The following TRPC5 variants were observed in gnomAD, a reference collection of about 807,000 sequenced individuals.
TRPC5 encodes the protein transient receptor potential cation channel subfamily C member 5.
TRPC5 carries 9 observed loss-of-function variants against 56.5 expected under a neutral mutation model. The observed-to-expected ratio is 0.16, with a 90% CI of 0.10 to 0.28. TRPC5 has a LOEUF of 0.28. Ranked by LOEUF, TRPC5 falls within the 10% of genes least tolerant of loss-of-function variation. TRPC5 has a pLI of 1.00. For missense variants in TRPC5, 469 were observed against 748.9 expected (o/e 0.63, Z 4.36); for synonymous variants, 282 against 278.5 (o/e 1.01, Z -0.13).
chrX:111,865,591 G>A (rs1454705836), intron 3 of TRPC5, among the ~76,000 whole-genome samples: 2 of 111,281 alleles, frequency 1.8e-5, no homozygotes, highest in Non-Finnish European at 3.8e-5. Flanking sequence ...CTCCCAAAGT[G>A]CTGGGATTAC....
chrX:111,929,361 A>G (rs1262598001), intron 2 of TRPC5, among the ~76,000 whole-genome samples: 5 of 112,467 alleles, frequency 4.4e-5, no homozygotes, highest in Non-Finnish European at 9.4e-5. Context: ...TACCGTGCCA[A>G]GGTTGTGTTC....
chrX:112,066,733 A>C, intron 1 of TRPC5, among the ~76,000 whole-genome samples: 1 of 112,582 alleles, frequency 8.9e-6, no homozygotes, highest in Non-Finnish European at 1.9e-5. Context: ...TTTGTAAAGC[A>C]CTTAGTGTCT....
chrX:111,968,812 C>G (rs189398641), intron 1 of TRPC5, among the ~76,000 whole-genome samples: 1,239 of 71,799 alleles, frequency 0.017, 32 homozygotes, highest in African/African-American at 0.069. Flanking sequence ...ACATCACACT[C>G]TGGGGACTGT....
intron 7 of TRPC5, among the ~76,000 whole-genome samples, chrX:111,812,837 G>A (rs2148566208): frequency 8.9e-6 from 1 of 112,111 alleles, no homozygotes; most frequent in East Asian, 2.8e-4. Context: ...TGAATAATAT[G>A]GATGACAAAA....
intron 1 of TRPC5, among the ~76,000 whole-genome samples, chrX:111,958,298 TA>T (rs1927287734): frequency 8.9e-6 from 1 of 112,062 alleles, no homozygotes; most frequent in African/African-American, 3.2e-5. Flanking sequence ...CATTTCCATC[TA>T]CATTTTTTTC....
In TRPC5 at chrX:112,027,304, G is replaced by A. The variant is rs779725860; in HGVS notation, c.-22+54575C>T. Among the ~76,000 whole-genome samples the A allele has an allele frequency of 2.4e-3, 269 of 111,814 alleles. 1 individual carries two copies. The highest frequency in any genetic ancestry group is 3.9e-3 in the Non-Finnish European group (208 of 53,181). Reference sequence around the variant, plus strand: ...ATGTTGTGTGTGTATGCGCATGTGTGTGCATGATTGGGAAGTTCTGTAAGT... The same window carrying A: ...ATGTTGTGTGTGTATGCGCATGTGTATGCATGATTGGGAAGTTCTGTAAGT... On this transcript the variant is annotated intron_variant, in intron 1 of 10. Coordinates refer to ENST00000262839, the MANE Select transcript of TRPC5 (RefSeq NM_012471.3).
At chrX:111,824,056 C>T (rs1037121852) in intron 7 of TRPC5, among the ~76,000 whole-genome samples, 2 of 109,825 alleles carry the variant, frequency 1.8e-5, no homozygotes, top group Admixed American at 9.7e-5. Flanking sequence ...CATGATGAAA[C>T]GCCATCTCTA....
chrX:112,062,680 C>T (rs888549144), intron 1 of TRPC5, among the ~76,000 whole-genome samples: 4 of 111,905 alleles, frequency 3.6e-5, no homozygotes, highest in Non-Finnish European at 7.5e-5. Flanking sequence ...TTTTCTAGAG[C>T]AGAGGATTTA....
At chrX:111,968,216 A>G (rs1354981732) in intron 1 of TRPC5, among the ~76,000 whole-genome samples, 1 of 111,904 alleles carries the variant, frequency 8.9e-6, no homozygotes, top group East Asian at 2.8e-4. Flanking sequence ...CAAAAAACAC[A>G]TGAAAAAATG....
chrX:111,822,879 T>C (rs1026990118), intron 7 of TRPC5, among the ~76,000 whole-genome samples: 5 of 111,399 alleles, frequency 4.5e-5, no homozygotes, highest in Admixed American at 3.8e-4. Context: ...CCCAAGATAG[T>C]CTTCATGACA....
At chrX:111,811,408 CGCTT>C (rs1179029589) in intron 7 of TRPC5, among the ~76,000 whole-genome samples, 1 of 112,784 alleles carries the variant, frequency 8.9e-6, no homozygotes, top group African/African-American at 3.2e-5. Context: ...TACGTGCACA[CGCTT>C]GCGCGTGCAC....
At chrX:112,012,667 T>C (rs1158318497) in intron 1 of TRPC5, among the ~76,000 whole-genome samples, 3 of 111,906 alleles carry the variant, frequency 2.7e-5, no homozygotes, top group Non-Finnish European at 5.6e-5. Flanking sequence ...TTCACACAGT[T>C]ACTGTGGAGC....
At chrX:111,843,816 T>C (rs185494280) in intron 6 of TRPC5, among the ~76,000 whole-genome samples, 1 of 107,707 alleles carries the variant, frequency 9.3e-6, no homozygotes, top group East Asian at 2.9e-4. Context: ...CAGTCAAGAG[T>C]CTGTTGCCAC....
At chrX:111,797,341 C>T (rs1921132633) in intron 7 of TRPC5, among the ~76,000 whole-genome samples, 1 of 111,767 alleles carries the variant, frequency 8.9e-6, no homozygotes, top group African/African-American at 3.2e-5. Flanking sequence ...ACTGCACATC[C>T]CCAAATGACT....
chrX:112,063,080 G>C (rs1169579964), intron 1 of TRPC5, among the ~76,000 whole-genome samples: 1 of 111,878 alleles, frequency 8.9e-6, no homozygotes, highest in Non-Finnish European at 1.9e-5. Context: ...AATAGTGGTG[G>C]CATTACCACA....
At chrX:111,975,161 G>A (rs936176046) in intron 1 of TRPC5, among the ~76,000 whole-genome samples, 1 of 111,048 alleles carries the variant, frequency 9.0e-6, no homozygotes, top group African/African-American at 3.3e-5. Flanking sequence ...AGGGAATTGA[G>A]GGTTGCTCCA....
chrX:112,010,831 G>A (rs1432060030), intron 1 of TRPC5, among the ~76,000 whole-genome samples: 1 of 111,642 alleles, frequency 9.0e-6, no homozygotes, highest in East Asian at 2.8e-4. Context: ...GTTGATATGT[G>A]TGTAGTGGCT....
At chrX:112,004,356 TG>T in intron 1 of TRPC5, among the ~76,000 whole-genome samples, 1 of 111,919 alleles carries the variant, frequency 8.9e-6, no homozygotes. Flanking sequence ...CTTGAGTGCT[TG>T]GAAGTAGGAG....
intron 7 of TRPC5, among the ~76,000 whole-genome samples, chrX:111,785,992 C>G (rs904123669): frequency 8.9e-6 from 1 of 112,032 alleles, no homozygotes; most frequent in Non-Finnish European, 1.9e-5. Context: ...AAACACTCTT[C>G]AGGATATTAT....
Sources: allele counts gnomAD v4.1 joint callset (sites outside exome capture counted in the v4.1 genomes callset), GRCh38; gene constraint gnomAD v4.1.1; transcripts MANE v1.5; gene names NCBI Gene and HGNC (gene_info 2026-07-23, HGNC 2026-07-21).